ADARB2: variants seen among roughly 807,000 people sequenced by gnomAD.
ADARB2 encodes the protein inactive double-stranded RNA-specific editase B2.
ADARB2 carries 25 observed loss-of-function variants against 62.2 expected under a neutral mutation model. The observed-to-expected ratio is 0.40, with a 90% CI of 0.29 to 0.56. The LOEUF is 0.56. ADARB2 is among the 20% of genes least tolerant of loss of function. The pLI is 0.43. For missense variants in ADARB2, 1,071 were observed against 1,077.4 expected, an observed-to-expected ratio of 0.99 and a Z score of 0.08; for synonymous variants, 572 against 500.8, an observed-to-expected ratio of 1.14 and a Z score of -1.90.
chr10:1,362,818 G>C (rs1204870978), intron 3 of ADARB2, among the ~76,000 whole-genome samples: 1 of 152,166 alleles, frequency 6.6e-6, no homozygotes, highest in African/African-American at 2.4e-5. Flanking sequence ...GTCTCCTCCC[G>C]GGCAGCCGCA....
At chr10:1,479,687 CCAATAA>C (rs1564302615) in intron 1 of ADARB2, among the ~76,000 whole-genome samples, 1 of 152,112 alleles carries the variant, frequency 6.6e-6, no homozygotes, top group Non-Finnish European at 1.5e-5. Context: ...CTGGTTTCCA[CCAATAA>C]CACCAGGCCG....
chr10:1,642,855 T>C (rs10903525), intron 1 of ADARB2, among the ~76,000 whole-genome samples: 75,303 of 152,108 alleles, frequency 0.5, 20,822 homozygotes, highest in East Asian at 0.69. Flanking sequence ...GGCTGTGAAC[T>C]GCAGGCAGGT....
At chr10:1,375,959 A>G (rs943539859) in intron 2 of ADARB2, among the ~76,000 whole-genome samples, 4 of 32,910 alleles carry the variant, frequency 1.2e-4, no homozygotes, top group African/African-American at 1.4e-4. Flanking sequence ...ACACACATGC[A>G]CACACACACA....
intron 1 of ADARB2, among the ~76,000 whole-genome samples, chr10:1,625,841 A>G (rs1833758649): frequency 6.6e-6 from 1 of 152,142 alleles, no homozygotes; most frequent in Non-Finnish European, 1.5e-5. Context: ...CAGCACAGCC[A>G]TGCCTCCTGC....
chr10:1,730,890 A>G (rs1835222171), intron 1 of ADARB2, among the ~76,000 whole-genome samples: 1 of 152,230 alleles, frequency 6.6e-6, no homozygotes. Flanking sequence ...TTTTCCTGCC[A>G]GAAACTAGAT....
intron 7 of ADARB2, among the ~76,000 whole-genome samples, chr10:1,213,222 G>C (rs188834596): frequency 2.0e-5 from 3 of 152,270 alleles, no homozygotes; most frequent in Admixed American, 1.3e-4. Context: ...TGGGCACACA[G>C]AGAAAGAGAC....
chr10:1,447,129 T>C (rs1830979913), intron 1 of ADARB2, among the ~76,000 whole-genome samples: 1 of 152,212 alleles, frequency 6.6e-6, no homozygotes, highest in Admixed American at 6.5e-5. Context: ...GAGGATTCAA[T>C]TAGCAGCCTT....
chr10:1,380,834 T>G (rs550470263), intron 1 of ADARB2, among the ~76,000 whole-genome samples: 1 of 152,348 alleles, frequency 6.6e-6, no homozygotes, highest in East Asian at 1.9e-4. Flanking sequence ...TATAATTTCA[T>G]TAAGGGAGTC....
Position 1,230,467 on chromosome 10 carries a change from T to C in ADARB2, c.1513+3227A>G, listed in dbSNP as rs554413885. On this transcript the variant is annotated intron_variant, in intron 6 of 9. Coordinates refer to ENST00000381312, the MANE Select transcript of ADARB2 (RefSeq NM_018702.4). ...AAAAGCCTGGCCACTGGCATCCCCT[T>C]ATCCATGGTCCAACCCTCTTTAAAG... 5.9e-5 allele frequency among the ~76,000 whole-genome samples: 9 copies of C among 152,292 alleles called. No homozygotes were observed. In the South Asian group the frequency reaches 6.2e-4, roughly 11 times the overall value.
chr10:1,426,004 A>G lies in ADARB2; in HGVS notation c.101-46844T>C, dbSNP rs935718705. ...AGAGGCATGTTACTCAAAAATGCGG[A>G]AACAGGTTCTTTCAGGAGGTTAGAG... On this transcript the variant is annotated intron_variant, in intron 1 of 9. Coordinates refer to ENST00000381312, the MANE Select transcript of ADARB2 (RefSeq NM_018702.4). The surrounding 1 kb of genome is among the most constrained non-coding windows in gnomAD (Gnocchi z 4.1). Among the ~76,000 whole-genome samples, 7 of 152,204 alleles carry G rather than the reference A, an allele frequency of 4.6e-5. No homozygotes were observed. The highest frequency in any genetic ancestry group is 1.7e-4 in the African/African-American group (7 of 41,448).
chr10:1,717,419 A>G (rs962917381), intron 1 of ADARB2, among the ~76,000 whole-genome samples: 6 of 148,512 alleles, frequency 4.0e-5, no homozygotes, highest in Admixed American at 2.0e-4. Context: ...ACGGGTCCTC[A>G]CTCTCAGACC....
At chr10:1,359,495 T>A (rs913067034) in intron 3 of ADARB2, among the ~76,000 whole-genome samples, 1 of 152,236 alleles carries the variant, frequency 6.6e-6, no homozygotes, top group South Asian at 2.1e-4. Context: ...GAAAATATCA[T>A]GCTTCTGAAC....
chr10:1,201,694 GAC>G (rs1428934467), intron 7 of ADARB2, among the ~76,000 whole-genome samples: 3 of 151,690 alleles, frequency 2.0e-5, no homozygotes, highest in Non-Finnish European at 4.4e-5. Context: ...ATGGTCGGAG[GAC>G]ACACAGCGCC....
chr10:1,199,784 T>C, intron 8 of ADARB2, 182 bp downstream of exon 8: 11 of 637,332 alleles, frequency 1.7e-5, no homozygotes, highest in Middle Eastern at 4.3e-4. Flanking sequence ...TATTGCTATA[T>C]GCAGAGAGAT....
chr10:1,218,918 C>T lies in ADARB2; in HGVS notation c.1514-1799G>A, dbSNP rs530869799. On this transcript the variant is annotated intron_variant, in intron 6 of 9. Transcript: ENST00000381312. ...AAAAAAAATTAGCCGGGCGTGGTGG[C>T]GGGCGCCTGTAGTCCCAGCTACTCG... 1.5e-4 allele frequency among the ~76,000 whole-genome samples: 22 copies of T among 151,718 alleles called. 2 individuals are homozygous for T. In the South Asian group the frequency reaches 1.7e-3, roughly 11 times the overall value.
intron 4 of ADARB2, among the ~76,000 whole-genome samples, chr10:1,245,399 C>CAT (rs1163481981): frequency 6.6e-6 from 1 of 152,082 alleles, no homozygotes; most frequent in Admixed American, 6.5e-5. Context: ...AGGTTAGTTA[C>CAT]ATATGTATAC....
At chr10:1,639,354 G>A (rs1343856896) in intron 1 of ADARB2, among the ~76,000 whole-genome samples, 5 of 152,224 alleles carry the variant, frequency 3.3e-5, no homozygotes, top group Admixed American at 6.5e-5. Context: ...AGTCCCCAGA[G>A]CCTTCAGGAA....
intron 1 of ADARB2, among the ~76,000 whole-genome samples, chr10:1,457,761 A>T (rs1237609600): frequency 6.6e-6 from 1 of 152,058 alleles, no homozygotes; most frequent in East Asian, 1.9e-4. Flanking sequence ...TTCAGGATAG[A>T]TATCCCCCTG....
At chr10:1,291,363 T>C (rs1831464246) in intron 3 of ADARB2, 1 of 152,216 alleles carries the variant, frequency 6.6e-6, no homozygotes, top group East Asian at 1.9e-4. Context: ...TTGTTCCCAA[T>C]GCACCTGGGT....
Sources: gnomAD v4.1 joint callset for allele counts (sites outside exome capture counted in the v4.1 genomes callset) on GRCh38, gnomAD v4.1.1 for gene constraint, Gnocchi (gnomAD v3.1) non-coding constraint, MANE v1.5 for transcripts, NCBI Gene and HGNC (gene_info 2026-07-23, HGNC 2026-07-21) for gene names.